WDR7: variants seen among roughly 807,000 people sequenced by gnomAD.
WDR7 encodes WD repeat domain 7, also known as WD repeat-containing protein 7.
In WDR7, 46 loss-of-function variants were observed where a neutral mutation model predicts 169.4. The ratio of observed to expected loss-of-function variants is 0.27; its 90% confidence interval spans 0.21 to 0.35. The LOEUF (loss-of-function observed/expected upper bound fraction) is 0.35, where lower values mean the gene tolerates loss of function less well. WDR7 is among the 10% of genes least tolerant of loss of function. The pLI is 1.00. For missense variants in WDR7, 1,534 were observed against 1,859.3 expected, an observed-to-expected ratio of 0.83 and a Z score of 3.22; for synonymous variants, 612 against 666.8, an observed-to-expected ratio of 0.92 and a Z score of 1.27.
intron 20 of WDR7, among the ~76,000 whole-genome samples, chr18:56,879,295 C>G (rs140414245): frequency 4.6e-5 from 7 of 152,212 alleles, no homozygotes; most frequent in Non-Finnish European, 1.0e-4. Context: ...CTGTAATGGT[C>G]TTTTTTATTG....
intron 12 of WDR7, among the ~76,000 whole-genome samples, chr18:56,707,719 A>G (rs1041408434): frequency 6.6e-6 from 1 of 152,162 alleles, no homozygotes; most frequent in African/African-American, 2.4e-5. Flanking sequence ...TGCTCTTCTT[A>G]GGACATAAAT....
chr18:56,914,856 A>G (rs2043687), intron 21 of WDR7, among the ~76,000 whole-genome samples: 133,177 of 152,070 alleles, frequency 0.88, 58,403 homozygotes, highest in East Asian at 0.98. Context: ...ACATTATACC[A>G]AAAGCAAAAT....
At chr18:56,830,035 A>G (rs1236021041) in intron 20 of WDR7, among the ~76,000 whole-genome samples, 1 of 152,206 alleles carries the variant, frequency 6.6e-6, no homozygotes, top group Non-Finnish European at 1.5e-5. Flanking sequence ...AAGCAGCTCT[A>G]AATTGGTTAG....
intron 21 of WDR7, among the ~76,000 whole-genome samples, chr18:56,897,647 A>G (rs2046348165): frequency 1.3e-5 from 2 of 152,034 alleles, no homozygotes; most frequent in Non-Finnish European, 2.9e-5. Flanking sequence ...CATAAAAATT[A>G]TGCATCTTTA....
intron 21 of WDR7, among the ~76,000 whole-genome samples, chr18:56,904,604 C>A (rs1486955135): frequency 6.6e-6 from 1 of 152,078 alleles, no homozygotes; most frequent in African/African-American, 2.4e-5. Context: ...TGGAGAGTGG[C>A]AGCCATTCCT....
intron 16 of WDR7, among the ~76,000 whole-genome samples, chr18:56,775,412 A>T (rs944143681): frequency 1.3e-5 from 2 of 152,148 alleles, no homozygotes; most frequent in Non-Finnish European, 2.9e-5. Flanking sequence ...CTGAATTTGT[A>T]ATTAAAAATG....
chr18:56,881,012 A>C (rs991006679), intron 21 of WDR7, among the ~76,000 whole-genome samples: 2 of 152,218 alleles, frequency 1.3e-5, no homozygotes, highest in African/African-American at 4.8e-5. Flanking sequence ...AAAATGCAAT[A>C]GATCCTTTTG....
chr18:56,663,641 TATATACATATATATATGC>T (rs775606818), intron 1 of WDR7, among the ~76,000 whole-genome samples: 139,018 of 151,686 alleles, frequency 0.92, 64,934 homozygotes, highest in East Asian at 1. Context: ...ATGCACAGCA[TATATACATATATATATGC>T]ACAGCATATA....
intron 21 of WDR7, among the ~76,000 whole-genome samples, chr18:56,881,647 G>C (rs999462821): frequency 6.6e-6 from 1 of 152,088 alleles, no homozygotes; most frequent in Admixed American, 6.6e-5. Context: ...GTCTCTCTCT[G>C]TCACCCAGGC....
chr18:56,686,858 A>C lies in WDR7; in HGVS notation c.601A>C (p.Thr201Pro). 2 of 1,595,982 alleles carry C rather than the reference A, an allele frequency of 1.3e-6. No homozygotes were observed. The highest frequency in any genetic ancestry group is 1.7e-6 in the Non-Finnish European group (2 of 1,164,496). Residue 201 changes from threonine to proline, a missense_variant, in exon 7 of 28, where the codon ACT (threonine) becomes CCT (proline). By Grantham distance (38) the Thr-to-Pro change is conservative (BLOSUM62 -1). Transcript: ENST00000254442. ...VTSEISDMQDTEPIFEEESKP... is the reference protein window; with the variant it reads ...VTSEISDMQDPEPIFEEESKP... Reference sequence around the variant, plus strand: ...TTTTACAAATCTTTCTTTTCAGGATACTGAGCCAATATTTGAGGAGGAATC... The same window carrying C: ...TTTTACAAATCTTTCTTTTCAGGATCCTGAGCCAATATTTGAGGAGGAATC...
At chr18:56,895,151 G>A (rs1435605110) in intron 21 of WDR7, among the ~76,000 whole-genome samples, 1 of 151,874 alleles carries the variant, frequency 6.6e-6, no homozygotes, top group Non-Finnish European at 1.5e-5. Context: ...AGCAAAATAA[G>A]AGTTATAAAT....
chr18:56,875,759 G>T (rs914440214), intron 20 of WDR7, among the ~76,000 whole-genome samples: 5 of 152,164 alleles, frequency 3.3e-5, no homozygotes, highest in Non-Finnish European at 2.9e-5. Context: ...ATGAGGGCAG[G>T]GCTTTACTTA....
Position 56,781,671 on chromosome 18 carries a change from G to A in WDR7, c.3190+15G>A, listed in dbSNP as rs755551552. On this transcript the variant is annotated intron_variant, in intron 19 of 27. Transcript: ENST00000254442. ...CGTCATATCACGTAAGAGTTCTCAT[G>A]CTTCTCTACAAAGCTTTGCAGGAAT... 12 of 1,572,274 alleles carry A rather than the reference G, an allele frequency of 7.6e-6. No individual in the cohort carries two copies. In the South Asian group the frequency reaches 1.4e-4, roughly 18 times the overall value.
chr18:56,680,895 G>C (rs641700), intron 3 of WDR7, among the ~76,000 whole-genome samples: 139,801 of 152,244 alleles, frequency 0.92, 65,341 homozygotes, highest in East Asian at 1. Flanking sequence ...TCACTTGTCC[G>C]TCATGTGTCA....
chr18:56,982,672 T>TA (rs1341415254), intron 26 of WDR7, among the ~76,000 whole-genome samples: 1 of 152,138 alleles, frequency 6.6e-6, no homozygotes, highest in Non-Finnish European at 1.5e-5. Flanking sequence ...TTATGGGACT[T>TA]AAAAAAATCC....
intron 6 of WDR7, among the ~76,000 whole-genome samples, chr18:56,686,315 C>T (rs1209380174): frequency 6.6e-6 from 1 of 151,574 alleles, no homozygotes; most frequent in Non-Finnish European, 1.5e-5. Context: ...AGGTTCTCCT[C>T]AACTGCTTCT....
At chr18:56,715,083 A>G (rs1435107945) in intron 12 of WDR7, among the ~76,000 whole-genome samples, 1 of 152,142 alleles carries the variant, frequency 6.6e-6, no homozygotes, top group Non-Finnish European at 1.5e-5. Context: ...GGGAGGGTGA[A>G]AGTTCTGACA....
chr18:56,781,494 A>G (rs2044317211), intron 18 of WDR7, 39 bp from the exon 19 acceptor site: 1 of 1,523,148 alleles, frequency 6.6e-7, no homozygotes, highest in African/African-American at 1.4e-5. Flanking sequence ...TCCTCAACTA[A>G]TCTGCTTTCT....
intron 2 of WDR7, 84 bp downstream of exon 2, chr18:56,672,758 T>G (rs2025164618): frequency 7.8e-7 from 1 of 1,281,560 alleles, no homozygotes; most frequent in Non-Finnish European, 1.0e-6. Context: ...ATGATGCTTT[T>G]GGGCCCACAG....
Sources: allele counts gnomAD v4.1 joint callset (sites outside exome capture counted in the v4.1 genomes callset), GRCh38; gene constraint gnomAD v4.1.1; transcripts MANE v1.5; gene names NCBI Gene and HGNC (gene_info 2026-07-23, HGNC 2026-07-21).